TRHDE: variants seen among roughly 807,000 people sequenced by gnomAD.
The protein encoded by TRHDE is thyrotropin-releasing hormone-degrading ectoenzyme.
In TRHDE, 72 loss-of-function variants were observed where a neutral mutation model predicts 125.7. The observed-to-expected ratio is 0.57, with a 90% CI of 0.47 to 0.70. The LOEUF (loss-of-function observed/expected upper bound fraction) is 0.70, where lower values mean the gene tolerates loss of function less well. Among genes scored for constraint, TRHDE ranks in the 30% least tolerant of loss-of-function variants. The pLI is 0.00. For missense variants in TRHDE, 1,110 were observed against 1,327.1 expected (o/e 0.84, Z 2.54); for synonymous variants, 509 against 509.1 (o/e 1.00, Z 0.00).
At chr12:72,144,431 A>C (rs1876183709) in intron 2 of TRHDE, among the ~76,000 whole-genome samples, 1 of 152,216 alleles carries the variant, frequency 6.6e-6, no homozygotes, top group Non-Finnish European at 1.5e-5. Context: ...AGTCTGATCG[A>C]ATTAAAGTCA....
At chr12:72,282,241 TA>T (rs1196462534) in intron 1 of TRHDE, among the ~76,000 whole-genome samples, 13 of 152,348 alleles carry the variant, frequency 8.5e-5, no homozygotes, top group Admixed American at 2.0e-4. Context: ...TATTTACATA[TA>T]TTTTTTCATG....
At chr12:72,607,335 A>G (rs917337459) in intron 12 of TRHDE, among the ~76,000 whole-genome samples, 4 of 152,180 alleles carry the variant, frequency 2.6e-5, no homozygotes, top group Non-Finnish European at 5.9e-5. Flanking sequence ...CACACATAGC[A>G]TAAATAATTG....
At chr12:72,533,933 T>C (rs1868712985) in intron 6 of TRHDE, among the ~76,000 whole-genome samples, 1 of 152,172 alleles carries the variant, frequency 6.6e-6, no homozygotes, top group East Asian at 1.9e-4. Context: ...TAGACTACCC[T>C]GTTTGAATGC....
chr12:72,582,726 C>A, intron 12 of TRHDE: 1 of 645,546 alleles, frequency 1.5e-6, no homozygotes, highest in Non-Finnish European at 1.9e-6. Context: ...CTTTGGCAGA[C>A]TGGACTTTTT....
Position 72,377,977 on chromosome 12 carries a change from A to G in TRHDE, c.1189-18A>G, listed in dbSNP as rs781634880. 8.4e-6 allele frequency: 13 copies of G among 1,538,902 alleles called. No individual in the cohort carries two copies. The highest frequency in any genetic ancestry group is 2.5e-5 in the South Asian group (2 of 80,376). On this transcript the variant is annotated intron_variant, in intron 2 of 18. Coordinates refer to ENST00000261180, the MANE Select transcript of TRHDE (RefSeq NM_013381.3). ...GTGCTAAAAGGCTAAAGTAACTTTT[A>G]TATATATTTTTAATTAGGTACGATT...
In TRHDE at chr12:72,322,969, A is replaced by G. The variant is rs111522517; in HGVS notation, c.1188+36015A>G. ...TTGGAGAAGCCATTTAGCCATTTTCACTATCTTGGACTCTTTTTTCTTATC... is the reference window on the plus strand; with the variant it reads ...TTGGAGAAGCCATTTAGCCATTTTCGCTATCTTGGACTCTTTTTTCTTATC... On this transcript the variant is annotated intron_variant, in intron 2 of 18. Coordinates refer to ENST00000261180, the MANE Select transcript of TRHDE (RefSeq NM_013381.3). Among the ~76,000 whole-genome samples, 589 of 152,192 alleles carry G rather than the reference A, an allele frequency of 3.9e-3. 8 individuals carry two copies. The highest frequency in any genetic ancestry group is 0.013 in the African/African-American group (537 of 41,538).
chr12:72,399,758 T>G (rs898895375), intron 3 of TRHDE, among the ~76,000 whole-genome samples: 1 of 152,160 alleles, frequency 6.6e-6, no homozygotes, highest in Admixed American at 6.5e-5. Flanking sequence ...GTTCTGATTC[T>G]TTATTAAAGT....
chr12:72,545,540 G>A (rs1869375537), intron 7 of TRHDE, among the ~76,000 whole-genome samples: 1 of 151,416 alleles, frequency 6.6e-6, no homozygotes, highest in African/African-American at 2.4e-5. Flanking sequence ...TTAATTTGAT[G>A]GACACATTTG....
At chr12:72,251,734 C>A (rs1389518543) in intron 2 of TRHDE, among the ~76,000 whole-genome samples, 1 of 151,992 alleles carries the variant, frequency 6.6e-6, no homozygotes, top group Non-Finnish European at 1.5e-5. Context: ...TTTTAGAAAA[C>A]CATGAAAAGG....
intron 2 of TRHDE, among the ~76,000 whole-genome samples, chr12:72,115,024 A>G (rs2139297574): frequency 6.6e-6 from 1 of 152,238 alleles, no homozygotes; most frequent in Non-Finnish European, 1.5e-5. Context: ...ATACAGGCAT[A>G]CAATGTGTAA....
At chr12:72,397,653 A>T (rs1419481648) in intron 3 of TRHDE, among the ~76,000 whole-genome samples, 1 of 152,030 alleles carries the variant, frequency 6.6e-6, no homozygotes, top group Non-Finnish European at 1.5e-5. Context: ...TTACATTGTC[A>T]TTCCCTTGGT....
chr12:72,629,857 C>G (rs935076292), intron 15 of TRHDE, among the ~76,000 whole-genome samples: 3 of 151,272 alleles, frequency 2.0e-5, no homozygotes, highest in African/African-American at 7.3e-5. Context: ...ACTTTTTCCC[C>G]TTGTGATTAA....
intron 2 of TRHDE, among the ~76,000 whole-genome samples, chr12:72,121,720 CTTTT>C (rs57483232): frequency 1.8e-5 from 2 of 111,950 alleles, no homozygotes; most frequent in Non-Finnish European, 1.8e-5. Flanking sequence ...ACGAAGGTGC[CTTTT>C]TTTTTTTTTT....
intron 7 of TRHDE, among the ~76,000 whole-genome samples, chr12:72,545,064 G>A (rs71456102): frequency 1.9e-4 from 29 of 151,426 alleles, no homozygotes; most frequent in Non-Finnish European, 3.7e-4. Context: ...CACAGCTTTT[G>A]TTGGTGATTT....
intron 15 of TRHDE, among the ~76,000 whole-genome samples, chr12:72,646,277 C>G (rs1874276638): frequency 6.6e-6 from 1 of 151,752 alleles, no homozygotes; most frequent in Admixed American, 6.6e-5. Context: ...TTGTTATCAG[C>G]TTAAAATAGA....
At chr12:72,428,409 T>C (rs1285723706) in intron 3 of TRHDE, among the ~76,000 whole-genome samples, 1 of 152,132 alleles carries the variant, frequency 6.6e-6, no homozygotes, top group Non-Finnish European at 1.5e-5. Flanking sequence ...TGGGTGTATA[T>C]GTATATATTT....
chr12:72,188,208 T>G (rs914037044), intron 2 of TRHDE, among the ~76,000 whole-genome samples: 16 of 152,266 alleles, frequency 1.1e-4, no homozygotes, highest in Middle Eastern at 3.4e-3. Flanking sequence ...GTTATTATGA[T>G]TTGGGGGATA....
chr12:72,555,224 C>A (rs1869860952), intron 7 of TRHDE, among the ~76,000 whole-genome samples: 1 of 152,112 alleles, frequency 6.6e-6, no homozygotes, highest in Non-Finnish European at 1.5e-5. Flanking sequence ...TCTAAGCAAG[C>A]CACTTCTAAA....
intron 2 of TRHDE, among the ~76,000 whole-genome samples, chr12:72,197,614 C>A (rs1877470662): frequency 6.6e-6 from 1 of 152,058 alleles, no homozygotes. Flanking sequence ...TCTGGGTGAT[C>A]TACTCATTCC....
Sources: gnomAD v4.1 joint callset for allele counts (sites outside exome capture counted in the v4.1 genomes callset) on GRCh38, gnomAD v4.1.1 for gene constraint, MANE v1.5 for transcripts, NCBI Gene and HGNC (gene_info 2026-07-23, HGNC 2026-07-21) for gene names.